DNAJC6: variants seen among roughly 807,000 people sequenced by gnomAD.
The protein encoded by DNAJC6 is DnaJ heat shock protein family (Hsp40) member C6.
A neutral mutation model predicts 110.0 loss-of-function variants in DNAJC6; 34 were observed. The ratio of observed to expected loss-of-function variants is 0.31; its 90% CI spans 0.24 to 0.41. The LOEUF is 0.41. DNAJC6 is among the 10% of genes least tolerant of loss of function. The probability of loss-of-function intolerance (pLI) is 1.00; values close to 1 mark genes in which losing one functional copy is unlikely to be tolerated. For synonymous variants in DNAJC6, 406 were observed against 437.2 expected (o/e 0.93, Z 0.89); for missense variants, 1,031 against 1,207.8 (o/e 0.85, Z 2.17).
intron 1 of DNAJC6, among the ~76,000 whole-genome samples, chr1:65,364,140 A>G (rs1339698759): frequency 6.6e-6 from 1 of 152,150 alleles, no homozygotes; most frequent in Non-Finnish European, 1.5e-5. Context: ...TAGCTTAAAA[A>G]TTTTCAGTAT....
At chr1:65,384,477 A>T (rs1645851768) in intron 6 of DNAJC6, 151 bp downstream of exon 6, 2 of 765,930 alleles carry the variant, frequency 2.6e-6, no homozygotes, top group Non-Finnish European at 3.6e-6. Context: ...ACTACTTGAG[A>T]CTGGGTAATT....
intron 5 of DNAJC6, among the ~76,000 whole-genome samples, chr1:65,381,316 G>T (rs996923854): frequency 6.6e-6 from 1 of 152,006 alleles, no homozygotes; most frequent in South Asian, 2.1e-4. Context: ...GGGAGACTGA[G>T]GCAGGTGGAT....
rs760317120 is a variant in DNAJC6, at chr1:65,385,762, A to G, written c.851A>G (p.His284Arg). 2 of 1,613,652 alleles carry G rather than the reference A, an allele frequency of 1.2e-6. No individual in the cohort carries two copies. The highest frequency in any genetic ancestry group is 3.3e-5 in the Admixed American group (2 of 59,988). Residue 284 changes from histidine (H) to arginine (R), a missense_variant, in exon 7 of 19, where the codon CAC (histidine) becomes CGC (arginine). By Grantham distance (29) the His-to-Arg change is conservative (BLOSUM62 0). Coordinates refer to ENST00000371069, the MANE Select transcript of DNAJC6 (RefSeq NM_001256864.2). Reference sequence around the variant, plus strand: ...CTGGCAGACAAGCCCTACCGCCCTCACTTCAAGCCTCTCACAATTAAGTCG... The same window carrying G: ...CTGGCAGACAAGCCCTACCGCCCTCGCTTCAAGCCTCTCACAATTAAGTCG... ...DLLADKPYRP[H>R]FKPLTIKSIT...
At chr1:65,311,318 G>A (rs1423713334) in intron 1 of DNAJC6, among the ~76,000 whole-genome samples, 5 of 132,242 alleles carry the variant, frequency 3.8e-5, no homozygotes, top group African/African-American at 1.4e-4. Flanking sequence ...TCCGTTTCCC[G>A]GGTTCAAGCG....
intron 1 of DNAJC6, among the ~76,000 whole-genome samples, chr1:65,351,670 A>G (rs1313782170): frequency 6.6e-6 from 1 of 152,242 alleles, no homozygotes; most frequent in Admixed American, 6.5e-5. Context: ...GTGTATAGAC[A>G]ATGCACAATA....
chr1:65,351,816 A>G (rs1177568608), intron 1 of DNAJC6, among the ~76,000 whole-genome samples: 1 of 152,094 alleles, frequency 6.6e-6, no homozygotes, highest in Non-Finnish European at 1.5e-5. Context: ...CCCAGGCTGG[A>G]GTGCAGTGGC....
intron 1 of DNAJC6, among the ~76,000 whole-genome samples, chr1:65,271,158 G>A (rs1653492709): frequency 7.6e-6 from 1 of 132,316 alleles, no homozygotes; most frequent in Non-Finnish European, 1.6e-5. Flanking sequence ...ATATATTTAT[G>A]GGGTACAATG....
intron 1 of DNAJC6, among the ~76,000 whole-genome samples, chr1:65,283,138 T>C (rs1028143324): frequency 6.6e-6 from 1 of 152,196 alleles, no homozygotes; most frequent in African/African-American, 2.4e-5. Flanking sequence ...CCATAGAACT[T>C]AAGGTTTCAC....
At chr1:65,305,439 G>A (rs1303889655), upstream of DNAJC6, among the ~76,000 whole-genome samples, 1 of 152,102 alleles carries the variant, frequency 6.6e-6, no homozygotes, top group Non-Finnish European at 1.5e-5. Flanking sequence ...ATATCTTACT[G>A]CGTTCCAAAC....
chr1:65,366,620 T>C (rs1490135327), intron 4 of DNAJC6, among the ~76,000 whole-genome samples: 2 of 152,182 alleles, frequency 1.3e-5, no homozygotes, highest in East Asian at 3.9e-4. Context: ...CAAGTATTAA[T>C]GGGAACGTGT....
At chr1:65,356,197 A>T (rs1645541956) in intron 1 of DNAJC6, among the ~76,000 whole-genome samples, 1 of 151,940 alleles carries the variant, frequency 6.6e-6, no homozygotes, top group Non-Finnish European at 1.5e-5. Context: ...CTGAAATTTT[A>T]ATTTCTAGTT....
rs187444697 is a variant in DNAJC6 at position 65,404,338 on chromosome 1, A to G, written c.2228-1532A>G. The stretch of plus-strand genomic sequence containing the variant: ...TTGCTTAATTGTGTAATACTTTCCT[A>G]TAGTTGTTGTGTCTTTACAGTATAC... On this transcript the variant is annotated intron_variant, in intron 15 of 18. Transcript: ENST00000371069. Among the ~76,000 whole-genome samples, 63 of 152,294 alleles carry G rather than the reference A, an allele frequency of 4.1e-4. 1 individual carries two copies. Among genetic ancestry groups the G allele is most frequent in the African/African-American group, 1.5e-3 (61 of 41,548 alleles).
chr1:65,409,808 A>G (rs1646111626), intron 17 of DNAJC6, among the ~76,000 whole-genome samples: 1 of 152,236 alleles, frequency 6.6e-6, no homozygotes, highest in Non-Finnish European at 1.5e-5. Context: ...AGGTAAAATT[A>G]GATTTGAGGT....
chr1:65,324,215 A>C (rs929632627), intron 1 of DNAJC6, among the ~76,000 whole-genome samples: 2 of 151,840 alleles, frequency 1.3e-5, no homozygotes, highest in African/African-American at 4.8e-5. Context: ...TCACTCTGTC[A>C]CCCAGGCAGG....
chr1:65,315,913 C>G (rs1388351899), intron 1 of DNAJC6, among the ~76,000 whole-genome samples: 1 of 151,972 alleles, frequency 6.6e-6, no homozygotes, highest in Non-Finnish European at 1.5e-5. Context: ...TTGAGAGAAC[C>G]AAAATGAGTT....
intron 5 of DNAJC6, among the ~76,000 whole-genome samples, chr1:65,380,333 A>AAGCTTCTATAAACAT (rs1645805262): frequency 6.6e-6 from 1 of 152,230 alleles, no homozygotes; most frequent in African/African-American, 2.4e-5. Flanking sequence ...ATAAATTTTA[A>AAGCTTCTATAAACAT]AGCTTCTATA....
intron 6 of DNAJC6, among the ~76,000 whole-genome samples, chr1:65,385,251 G>T (rs1384400561): frequency 6.6e-6 from 1 of 152,028 alleles, no homozygotes; most frequent in Non-Finnish European, 1.5e-5. Context: ...TCTGAAAAAT[G>T]GAATAAAAAA....
Position 65,389,579 on chromosome 1 carries a change from C to G in DNAJC6, c.1420C>G (p.Pro474Ala), listed in dbSNP as rs372053013. 3.5e-5 allele frequency: 56 copies of G among 1,614,044 alleles called. No homozygotes were observed. The highest frequency in any genetic ancestry group is 4.7e-5 in the Non-Finnish European group (55 of 1,180,028). ...TCCAATAGATATCCCTCCAGACAAC[C>G]CCAGGCATTACGGACAAAGTGGTTT... ...QAPIDIPPDNPRHYGQSGFFA... is the reference protein window; with the variant it reads ...QAPIDIPPDNARHYGQSGFFA... The change falls in exon 11 of 19, where the codon CCC becomes GCC. Residue 474 changes from proline (P) to alanine (A), a missense_variant. Physicochemically the swap from Pro to Ala is conservative, Grantham distance 27. Coordinates refer to ENST00000371069, the MANE Select transcript of DNAJC6 (RefSeq NM_001256864.2).
intron 3 of DNAJC6, 45 bp downstream of exon 3, chr1:65,365,979 G>T (rs756225703): frequency 3.1e-6 from 5 of 1,612,536 alleles, no homozygotes; most frequent in South Asian, 1.1e-5. Context: ...TCAGTTTCCC[G>T]TTGCTGCCCA....
Sources: allele counts gnomAD v4.1 joint callset (sites outside exome capture counted in the v4.1 genomes callset), GRCh38; gene constraint gnomAD v4.1.1; transcripts MANE v1.5; gene names NCBI Gene and HGNC (gene_info 2026-07-23, HGNC 2026-07-21).